ARHGEF7: variants seen among roughly 807,000 people sequenced by gnomAD.
ARHGEF7 encodes Rho guanine nucleotide exchange factor 7, also known as PAK-interacting exchange factor beta.
A neutral mutation model predicts 109.8 loss-of-function variants in ARHGEF7; 33 were observed. That is an observed-to-expected ratio of 0.30 (90% CI 0.23 to 0.40). The LOEUF (loss-of-function observed/expected upper bound fraction) is 0.40. Among genes scored for constraint, ARHGEF7 ranks in the 10% least tolerant of loss-of-function variants. The probability of loss-of-function intolerance (pLI) is 1.00; values close to 1 mark genes in which losing one functional copy is unlikely to be tolerated. For missense variants in ARHGEF7, 938 were observed against 1,098.5 expected (o/e 0.85, Z 2.07); for synonymous variants, 458 against 424.6 (o/e 1.08, Z -0.97).
chr13:111,283,182 G>T lies in ARHGEF7; in HGVS notation c.1769G>T (p.Ser590Ile). 1 of 1,596,482 alleles carries T rather than the reference G, an allele frequency of 6.3e-7. No individual in the cohort carries two copies. Residue 590 changes from serine to isoleucine, a missense_variant, in exon 16 of 22, where the codon AGC (serine) becomes ATC (isoleucine). Physicochemically the swap from Ser to Ile is moderately radical, Grantham distance 142 (BLOSUM62 -2). Coordinates refer to ENST00000646102, the MANE Select transcript of ARHGEF7 (RefSeq NM_001354046.2). ...ACTCCGTCCAGCAAGCACGCAGACA[G>T]CAAGCCCGCGCCGCTGACGCCCGCC... Reference protein sequence around the residue: ...PVTPSSKHADSKPAPLTPAYH... With the variant: ...PVTPSSKHADIKPAPLTPAYH...
rs1360482645 is a variant in ARHGEF7, at chr13:111,266,025, C to T, written c.951-1523C>T. On this transcript the variant is annotated intron_variant, in intron 8 of 21. Coordinates refer to ENST00000646102, the MANE Select transcript of ARHGEF7 (RefSeq NM_001354046.2). The surrounding 1 kb of genome is among the most constrained non-coding windows in gnomAD (Gnocchi z 4.8). ...TGTAGGCCTGGACCTTAGACCCAGGCTCCAGCCACCTTTGTGTTGGATGCT... is the reference window on the plus strand; with the variant it reads ...TGTAGGCCTGGACCTTAGACCCAGGTTCCAGCCACCTTTGTGTTGGATGCT... 6.6e-6 allele frequency among the ~76,000 whole-genome samples: 1 copy of T among 152,196 alleles called. No individual in the cohort carries two copies. The highest frequency in any genetic ancestry group is 2.4e-5 in the African/African-American group (1 of 41,450).
chr13:111,166,613 A>G (rs1051419338), intron 2 of ARHGEF7, among the ~76,000 whole-genome samples: 7 of 152,294 alleles, frequency 4.6e-5, no homozygotes, highest in Non-Finnish European at 1.0e-4. Flanking sequence ...TGATTTACAG[A>G]TGGACTAGAT....
intron 17 of ARHGEF7, among the ~76,000 whole-genome samples, chr13:111,286,829 C>T (rs1382589079): frequency 6.6e-6 from 1 of 152,202 alleles, no homozygotes; most frequent in East Asian, 1.9e-4. Context: ...AAGTGATTTT[C>T]CTGGGGGTGA....
chr13:111,117,317 A>G (rs2066862097), intron 1 of ARHGEF7, among the ~76,000 whole-genome samples: 1 of 152,224 alleles, frequency 6.6e-6, no homozygotes, highest in Non-Finnish European at 1.5e-5. Flanking sequence ...CGTAGCGTTC[A>G]TTTCATCTCT....
intron 4 of ARHGEF7, among the ~76,000 whole-genome samples, chr13:111,213,165 G>A (rs1185083425): frequency 6.6e-6 from 1 of 152,158 alleles, no homozygotes; most frequent in South Asian, 2.1e-4. Flanking sequence ...AAGTAATCAG[G>A]TGATTAATAT....
At chr13:111,168,691 T>A (rs2077330050) in intron 2 of ARHGEF7, among the ~76,000 whole-genome samples, 1 of 152,220 alleles carries the variant, frequency 6.6e-6, no homozygotes, top group Admixed American at 6.5e-5. Context: ...ATCACAAAAC[T>A]TGGGTTTAGT....
chr13:111,153,183 A>G (rs563220336), intron 1 of ARHGEF7, among the ~76,000 whole-genome samples: 48 of 152,266 alleles, frequency 3.2e-4, no homozygotes, highest in Non-Finnish European at 5.3e-4. Context: ...AGCCTAGGCT[A>G]GAAAGAAGGG....
chr13:111,253,718 T>A (rs55761866), intron 8 of ARHGEF7, among the ~76,000 whole-genome samples: 16,574 of 152,214 alleles, frequency 0.11, 1,221 homozygotes, highest in Middle Eastern at 0.2. Context: ...AACTGTTGCT[T>A]GGGGCAGCTG....
At chr13:111,302,357 C>T (rs767437613) in intron 21 of ARHGEF7, among the ~76,000 whole-genome samples, 9 of 152,128 alleles carry the variant, frequency 5.9e-5, no homozygotes, top group Non-Finnish European at 8.8e-5. Flanking sequence ...TTCTTTTGGC[C>T]GAGGAACAGC....
At chr13:111,177,477 AAGG>A (rs1180039529) in intron 2 of ARHGEF7, among the ~76,000 whole-genome samples, 1 of 152,160 alleles carries the variant, frequency 6.6e-6, no homozygotes, top group African/African-American at 2.4e-5. Flanking sequence ...GCTGGAATCT[AAGG>A]AGCAGGTCTG....
chr13:111,125,955 CTGTT>C (rs1466391113), intron 1 of ARHGEF7, among the ~76,000 whole-genome samples: 1 of 152,168 alleles, frequency 6.6e-6, no homozygotes. Context: ...CTGATTGTGT[CTGTT>C]TGGCTCCTCA....
At chr13:111,199,027 A>G (rs1406184323) in intron 2 of ARHGEF7, among the ~76,000 whole-genome samples, 2 of 152,186 alleles carry the variant, frequency 1.3e-5, no homozygotes, top group African/African-American at 4.8e-5. Flanking sequence ...CATAGTGCTG[A>G]TGGGTGTGTT....
At chr13:111,259,964 A>G (rs1413635673) in intron 8 of ARHGEF7, among the ~76,000 whole-genome samples, 1 of 152,232 alleles carries the variant, frequency 6.6e-6, no homozygotes, top group East Asian at 1.9e-4. Flanking sequence ...TGAAAAATGT[A>G]GTTGACGTAC....
chr13:111,170,718 C>T (rs2077525622), intron 2 of ARHGEF7, among the ~76,000 whole-genome samples: 1 of 152,172 alleles, frequency 6.6e-6, no homozygotes, highest in Non-Finnish European at 1.5e-5. Context: ...TCTGGCTCCG[C>T]TCTGGGAGGA....
chr13:111,290,774 G>A (rs962716815), intron 18 of ARHGEF7, among the ~76,000 whole-genome samples: 7 of 152,144 alleles, frequency 4.6e-5, no homozygotes, highest in Middle Eastern at 3.2e-3. Flanking sequence ...AACCACTCTG[G>A]GGCTTCAGGG....
chr13:111,275,516 G>T lies in ARHGEF7; in HGVS notation c.1273-16G>T. 1 of 1,613,464 alleles carries T rather than the reference G, an allele frequency of 6.2e-7. No homozygotes were observed. Among genetic ancestry groups the T allele is most frequent in the Non-Finnish European group, 8.5e-7 (1 of 1,179,888 alleles). The stretch of plus-strand genomic sequence containing the variant: ...AAAGTTTATGTCTGTTAACAGTGTT[G>T]TTCTGTGTCTGTCAGGCCCAATGTC... On this transcript the variant is annotated splice_polypyrimidine_tract_variant and intron_variant, in intron 11 of 21. Transcript: ENST00000646102.
chr13:111,168,536 G>C (rs1473843007), intron 2 of ARHGEF7, among the ~76,000 whole-genome samples: 5 of 152,158 alleles, frequency 3.3e-5, no homozygotes, highest in Admixed American at 6.5e-5. Flanking sequence ...CTGCATAGAG[G>C]TGGATAAAAT....
In ARHGEF7 at chr13:111,258,887, A is replaced by G. The variant is rs1439097429; in HGVS notation, c.951-8661A>G. 2.0e-5 allele frequency among the ~76,000 whole-genome samples: 3 copies of G among 152,152 alleles called. No homozygotes were observed. Among genetic ancestry groups the G allele is most frequent in the African/African-American group, 4.8e-5 (2 of 41,422 alleles). Reference sequence around the variant, plus strand: ...AGTCTCAGGCCTGGTGGCATTCACCACAAACTGACTGAAGAGTCCTTGGGC... The same window carrying G: ...AGTCTCAGGCCTGGTGGCATTCACCGCAAACTGACTGAAGAGTCCTTGGGC... On this transcript the variant is annotated intron_variant, in intron 8 of 21. Coordinates refer to ENST00000646102, the MANE Select transcript of ARHGEF7 (RefSeq NM_001354046.2). This position sits in a 1 kb window ranked among gnomAD's most constrained non-coding sequence, Gnocchi z 4.4.
At chr13:111,147,728 C>G (rs999508275) in intron 1 of ARHGEF7, among the ~76,000 whole-genome samples, 1 of 125,570 alleles carries the variant, frequency 8.0e-6, no homozygotes, top group Admixed American at 9.3e-5. Context: ...GACGGAGTCT[C>G]GCTCTGTCGC....
Sources: gnomAD v4.1 joint callset for allele counts (sites outside exome capture counted in the v4.1 genomes callset) on GRCh38, gnomAD v4.1.1 for gene constraint, Gnocchi (gnomAD v3.1) non-coding constraint, MANE v1.5 for transcripts, NCBI Gene and HGNC (gene_info 2026-07-23, HGNC 2026-07-21) for gene names.